The following BRINP3 variants were observed in gnomAD, a reference collection of about 807,000 sequenced individuals.
The protein encoded by BRINP3 is BMP/retinoic acid-inducible neural-specific protein 3.
A neutral mutation model predicts 71.0 loss-of-function variants in BRINP3; 19 were observed. The observed-to-expected ratio is 0.27, with a 90% CI of 0.19 to 0.39. BRINP3 has a LOEUF of 0.39. Among genes scored for constraint, BRINP3 ranks in the 10% least tolerant of loss-of-function variants. The probability of loss-of-function intolerance (pLI) is 1.00; values close to 1 mark genes in which losing one functional copy is unlikely to be tolerated. For synonymous variants in BRINP3, 380 were observed against 337.7 expected (o/e 1.13, Z -1.37); for missense variants, 959 against 940.8 (o/e 1.02, Z -0.25).
At chr1:190,222,230 A>G (rs1373055431) in intron 6 of BRINP3, among the ~76,000 whole-genome samples, 1 of 152,044 alleles carries the variant, frequency 6.6e-6, no homozygotes, top group East Asian at 1.9e-4. Flanking sequence ...TCTGACCACA[A>G]TGGAATAAAA....
At chr1:190,251,061 A>C (rs1341684449) in intron 4 of BRINP3, among the ~76,000 whole-genome samples, 1 of 151,504 alleles carries the variant, frequency 6.6e-6, no homozygotes, top group African/African-American at 2.4e-5. Context: ...TATAAATAAT[A>C]ATAACAACAA....
chr1:190,340,414 C>T (rs1428172578), intron 2 of BRINP3, among the ~76,000 whole-genome samples: 1 of 151,824 alleles, frequency 6.6e-6, no homozygotes, highest in East Asian at 1.9e-4. Context: ...TTATGACACT[C>T]CTTTTGGGTC....
At chr1:190,184,383 A>C (rs940835602) in intron 6 of BRINP3, among the ~76,000 whole-genome samples, 6 of 152,184 alleles carry the variant, frequency 3.9e-5, no homozygotes, top group Non-Finnish European at 8.8e-5. Flanking sequence ...ATTATTGTTT[A>C]TATACCCAAA....
At chr1:190,417,304 A>G (rs1673072561) in intron 2 of BRINP3, among the ~76,000 whole-genome samples, 1 of 152,170 alleles carries the variant, frequency 6.6e-6, no homozygotes, top group Admixed American at 6.5e-5. Context: ...ATTGGACTTC[A>G]TTCTCCTTGA....
intron 2 of BRINP3, among the ~76,000 whole-genome samples, chr1:190,340,798 T>C (rs1667604796): frequency 6.6e-6 from 1 of 151,686 alleles, no homozygotes; most frequent in South Asian, 2.1e-4. Context: ...AAGTACTTGG[T>C]CCTCAGCTCA....
At chr1:190,283,746 A>C (rs932511604) in intron 2 of BRINP3, among the ~76,000 whole-genome samples, 71 of 151,234 alleles carry the variant, frequency 4.7e-4, no homozygotes, top group African/African-American at 1.6e-3. Flanking sequence ...ATATCTCAGG[A>C]TATATAGTAA....
chr1:190,230,387 A>G (rs1657855331), intron 5 of BRINP3, among the ~76,000 whole-genome samples: 1 of 151,930 alleles, frequency 6.6e-6, no homozygotes, highest in Non-Finnish European at 1.5e-5. Flanking sequence ...CTTCAATGCT[A>G]TTTTGCTCAT....
chr1:190,387,990 T>C (rs1363873847), intron 2 of BRINP3, among the ~76,000 whole-genome samples: 1 of 151,880 alleles, frequency 6.6e-6, no homozygotes, highest in Non-Finnish European at 1.5e-5. Context: ...TCTACATTTA[T>C]GTATTCTTCT....
chr1:190,247,501 AT>A (rs1659717856), intron 4 of BRINP3, among the ~76,000 whole-genome samples: 2 of 151,870 alleles, frequency 1.3e-5, no homozygotes, highest in Non-Finnish European at 2.9e-5. Context: ...TACTTATTGG[AT>A]TTTTGAAAAT....
chr1:190,412,234 T>C (rs966548154), intron 2 of BRINP3, among the ~76,000 whole-genome samples: 1 of 151,920 alleles, frequency 6.6e-6, no homozygotes, highest in Admixed American at 6.6e-5. Flanking sequence ...GTTAATGGTA[T>C]TACTTGGTAA....
At chr1:190,283,947 A>G (rs1663232801) in intron 2 of BRINP3, among the ~76,000 whole-genome samples, 1 of 151,852 alleles carries the variant, frequency 6.6e-6, no homozygotes, top group South Asian at 2.1e-4. Context: ...TTACAGTGCT[A>G]AATTTGTTAA....
chr1:190,265,028 T>C lies in BRINP3; in HGVS notation c.455A>G (p.Asp152Gly), dbSNP rs1175419631. 1 of 1,607,430 alleles carries C rather than the reference T, an allele frequency of 6.2e-7. No homozygotes were observed. Among genetic ancestry groups the C allele is most frequent in the Non-Finnish European group, 8.5e-7 (1 of 1,177,800 alleles). ...AGCTCGTTTGCTCAACTTCCGCTTG[T>C]CCACAAAAATTGTGAGTGACTCCTC... The part of the protein sequence containing the change: ...GGEESLTIFV[D>G]KRKLSKRAEG... The change falls in exon 4 of 8, where the codon GAC becomes GGC. Residue 152 changes from aspartate to glycine, a missense_variant. Coordinates refer to ENST00000367462, the MANE Select transcript of BRINP3 (RefSeq NM_199051.3).
chr1:190,136,644 T>C (rs905822386), intron 7 of BRINP3, among the ~76,000 whole-genome samples: 3 of 152,128 alleles, frequency 2.0e-5, no homozygotes, highest in Non-Finnish European at 4.4e-5. Flanking sequence ...TACGCAAACA[T>C]TTTTATTTTT....
intron 7 of BRINP3, among the ~76,000 whole-genome samples, chr1:190,135,793 C>A (rs772988020): frequency 1.1e-4 from 16 of 151,976 alleles, no homozygotes; most frequent in Admixed American, 4.6e-4. Flanking sequence ...CTGAATATTG[C>A]AGGTTGCCTA....
chr1:190,103,145 T>A (rs1054397678), intron 7 of BRINP3, among the ~76,000 whole-genome samples: 1 of 151,998 alleles, frequency 6.6e-6, no homozygotes, highest in African/African-American at 2.4e-5. Flanking sequence ...CTGTGACGAG[T>A]TACTTAGCTT....
At chr1:190,311,654 C>A (rs1359349290) in intron 2 of BRINP3, among the ~76,000 whole-genome samples, 1 of 151,212 alleles carries the variant, frequency 6.6e-6, no homozygotes, top group African/African-American at 2.4e-5. Flanking sequence ...TTAATTTTTT[C>A]TGTGGGAAAG....
chr1:190,225,817 T>C (rs1425744006), intron 6 of BRINP3, among the ~76,000 whole-genome samples: 2 of 151,966 alleles, frequency 1.3e-5, no homozygotes, highest in Middle Eastern at 3.2e-3. Context: ...AAATTTCTTG[T>C]ACTGAGAAAA....
At position 190,468,241 on chromosome 1, in the gene BRINP3, AACT is replaced by A. The variant is rs1676893459; in HGVS notation, c.-51+9204_-51+9206del. 3.3e-5 allele frequency among the ~76,000 whole-genome samples: 5 copies of A among 151,506 alleles called. No homozygotes were observed. In the South Asian group the frequency reaches 1.0e-3, roughly 31 times the overall value. ...CTGTAATTAAAGAATCATGATAATA[AACT>A]TATTTACCTTACTAAAGATTATTAA... On this transcript the variant is annotated intron_variant, in intron 1 of 7. Coordinates refer to ENST00000367462, the MANE Select transcript of BRINP3 (RefSeq NM_199051.3).
chr1:190,170,510 A>T (rs958003032), intron 6 of BRINP3, among the ~76,000 whole-genome samples: 1 of 152,154 alleles, frequency 6.6e-6, no homozygotes, highest in African/African-American at 2.4e-5. Flanking sequence ...GAGCTTAGTC[A>T]TATAAAACGT....
Sources: gnomAD v4.1 joint callset for allele counts (sites outside exome capture counted in the v4.1 genomes callset) on GRCh38, gnomAD v4.1.1 for gene constraint, MANE v1.5 for transcripts, NCBI Gene and HGNC (gene_info 2026-07-23, HGNC 2026-07-21) for gene names.